Variants in PARD3B observed in about 807,000 individuals in gnomAD.
The protein encoded by PARD3B is partitioning defective 3 homolog B.
In PARD3B, 103 loss-of-function variants were observed where a neutral mutation model predicts 130.2. That is an observed-to-expected ratio of 0.79 (90% confidence interval 0.67 to 0.93). The LOEUF (loss-of-function observed/expected upper bound fraction) is 0.93. Ranked by LOEUF, PARD3B falls within the 40% of genes least tolerant of loss-of-function variation. The pLI, the probability that PARD3B is intolerant of heterozygous loss-of-function variation, is 0.00. For missense variants in PARD3B, 1,609 were observed against 1,499.2 expected (o/e 1.07, Z -1.21); for synonymous variants, 583 against 553.2 (o/e 1.05, Z -0.76).
Position 205,241,133 on chromosome 2 carries a change from GA to G in PARD3B, c.2141-4643del, listed in dbSNP as rs2039334315. Among the ~76,000 whole-genome samples the G allele has an allele frequency of 6.6e-6, 1 of 152,160 alleles. No homozygotes were observed. Among genetic ancestry groups the G allele is most frequent in the Non-Finnish European group, 1.5e-5 (1 of 68,014 alleles). ...TAGCTTCAAAGGCTTACAACCATGA[GA>G]ATTAGAAACATAGGCCATCAGGCTG... On this transcript the variant is annotated intron_variant, in intron 15 of 22. Transcript: ENST00000406610. This position sits in a 1 kb window ranked among gnomAD's most constrained non-coding sequence, Gnocchi z 4.2.
chr2:204,713,673 A>G (rs2038574452), intron 2 of PARD3B, among the ~76,000 whole-genome samples: 1 of 152,062 alleles, frequency 6.6e-6, no homozygotes, highest in African/African-American at 2.4e-5. Flanking sequence ...ACCTTTGTGG[A>G]TCTGGCTTAT....
In PARD3B at chr2:205,496,748, AT is replaced by A. The variant is rs111891900; in HGVS notation, c.3045-3138del. 2.2e-3 allele frequency among the ~76,000 whole-genome samples: 336 copies of A among 149,726 alleles called. 1 individual carries two copies. Among genetic ancestry groups the A allele is most frequent in the Middle Eastern group, 0.01 (3 of 288 alleles). ...AAGAATAGTTTACAGTCTCAGTACAATTTTTTTTTTCCACCACAAATGGAAG... is the reference window on the plus strand; with the variant it reads ...AAGAATAGTTTACAGTCTCAGTACAATTTTTTTTTCCACCACAAATGGAAG... On this transcript the variant is annotated intron_variant, in intron 20 of 22. Coordinates refer to ENST00000406610, the MANE Select transcript of PARD3B (RefSeq NM_001302769.2).
chr2:205,133,187 A>G (rs901026123), intron 10 of PARD3B, among the ~76,000 whole-genome samples: 4 of 152,248 alleles, frequency 2.6e-5, no homozygotes, highest in African/African-American at 9.6e-5. Flanking sequence ...TTAAGTTACC[A>G]TGATGACATT....
intron 16 of PARD3B, among the ~76,000 whole-genome samples, chr2:205,252,704 T>G (rs1010007327): frequency 5.9e-5 from 9 of 152,068 alleles, no homozygotes; most frequent in African/African-American, 1.9e-4. Flanking sequence ...AGGCAGAGAT[T>G]AGACCATACA....
At position 204,960,559 on chromosome 2, in the gene PARD3B, T is replaced by A. The variant is rs188341732; in HGVS notation, c.223-4593T>A. Among the ~76,000 whole-genome samples, 1,016 of 152,202 alleles carry A rather than the reference T, an allele frequency of 6.7e-3. 4 individuals are homozygous for A. Among genetic ancestry groups the A allele is most frequent in the Non-Finnish European group, 0.011 (729 of 68,012 alleles). On this transcript the variant is annotated intron_variant, in intron 2 of 22. Transcript: ENST00000406610. ...ATTTATACACATTCATTTAATTTTT[T>A]AAAAAAATATTTGAATGTTTATTCT... is the stretch of plus-strand genomic sequence containing the variant.
At chr2:205,003,358 C>CT (rs914827784) in intron 3 of PARD3B, among the ~76,000 whole-genome samples, 1 of 152,038 alleles carries the variant, frequency 6.6e-6, no homozygotes, top group Non-Finnish European at 1.5e-5. Flanking sequence ...AGGAGATGGA[C>CT]TTTTTTGGGG....
Position 205,233,692 on chromosome 2 carries a change from C to T in PARD3B, c.2141-12086C>T, listed in dbSNP as rs190989113. 4.5e-3 allele frequency among the ~76,000 whole-genome samples: 686 copies of T among 152,066 alleles called. 13 individuals carry two copies. The highest frequency in any genetic ancestry group is 5.3e-3 in the Non-Finnish European group (360 of 67,972). On this transcript the variant is annotated intron_variant, in intron 15 of 22. Coordinates refer to ENST00000406610, the MANE Select transcript of PARD3B (RefSeq NM_001302769.2). ...GTATAAGTAAAAAATGTGTTGCTAC[C>T]AAACATCATAGTTTAGCCTAGCCTG...
intron 2 of PARD3B, among the ~76,000 whole-genome samples, chr2:204,918,312 A>C (rs1049980237): frequency 2.6e-5 from 4 of 152,210 alleles, no homozygotes; most frequent in African/African-American, 9.6e-5. Context: ...TCTTTGCTAG[A>C]CTTGCTTTGA....
chr2:205,107,941 T>A (rs1703343009), intron 5 of PARD3B, among the ~76,000 whole-genome samples: 1 of 152,178 alleles, frequency 6.6e-6, no homozygotes, highest in South Asian at 2.1e-4. Flanking sequence ...AATTCCTATC[T>A]CATTTCTGAC....
chr2:204,774,463 G>T (rs1057180172), intron 2 of PARD3B, among the ~76,000 whole-genome samples: 3 of 152,082 alleles, frequency 2.0e-5, no homozygotes, highest in Non-Finnish European at 4.4e-5. Context: ...ATAGTGTGGG[G>T]AGGCAGTTTG....
chr2:205,089,816 GT>G (rs764718895), intron 4 of PARD3B, among the ~76,000 whole-genome samples: 2 of 152,104 alleles, frequency 1.3e-5, no homozygotes, highest in East Asian at 1.9e-4. Context: ...TGAAAACCAG[GT>G]TTTTTTCTTT....
chr2:205,417,989 T>C (rs71427783), intron 19 of PARD3B, among the ~76,000 whole-genome samples: 1 of 152,236 alleles, frequency 6.6e-6, no homozygotes, highest in East Asian at 1.9e-4. Context: ...TATTCTCTTG[T>C]GTCTTTTTTT....
At chr2:204,745,425 C>A (rs1381232709) in intron 2 of PARD3B, among the ~76,000 whole-genome samples, 1 of 146,274 alleles carries the variant, frequency 6.8e-6, no homozygotes, top group African/African-American at 2.5e-5. Context: ...TTTTTTGTTA[C>A]GGAGTTTTGC....
intron 15 of PARD3B, among the ~76,000 whole-genome samples, chr2:205,223,834 A>C (rs1325014170): frequency 6.6e-6 from 1 of 152,164 alleles, no homozygotes; most frequent in African/African-American, 2.4e-5. Context: ...GGTACATGAG[A>C]TGTTTTGATA....
chr2:204,716,899 G>A (rs1032250502), intron 2 of PARD3B, among the ~76,000 whole-genome samples: 2 of 152,170 alleles, frequency 1.3e-5, no homozygotes, highest in Admixed American at 6.5e-5. Context: ...TGGGATTACA[G>A]GCGTGAGCCA....
At chr2:205,532,531 C>G (rs1424767527) in intron 21 of PARD3B, among the ~76,000 whole-genome samples, 1 of 152,178 alleles carries the variant, frequency 6.6e-6, no homozygotes, top group African/African-American at 2.4e-5. Flanking sequence ...AACACTGTTA[C>G]AAGCCACACC....
At position 205,176,387 on chromosome 2, in the gene PARD3B, A is replaced by G. The variant is rs1394118562; in HGVS notation, c.1792-58A>G. The G allele has an allele frequency of 6.0e-6, 9 of 1,492,582 alleles. No individual in the cohort carries two copies. Among genetic ancestry groups the G allele is most frequent in the Non-Finnish European group, 8.1e-6 (9 of 1,104,388 alleles). The allele number at this position is 1,492,582 out of a possible 1,614,324, so 92.5% of individuals were successfully genotyped here. ...GCGATCATTCTTTCACTTTGCTTCA[A>G]CTGACCAAGTTGGAACATATTAAAA... On this transcript the variant is annotated intron_variant, in intron 12 of 22. Coordinates refer to ENST00000406610, the MANE Select transcript of PARD3B (RefSeq NM_001302769.2). This position sits in a 1 kb window ranked among gnomAD's most constrained non-coding sequence, Gnocchi z 5.3.
Position 205,525,278 on chromosome 2 carries a change from G to T in PARD3B, c.3180+25247G>T, listed in dbSNP as rs1046513153. On this transcript the variant is annotated intron_variant, in intron 21 of 22. Coordinates refer to ENST00000406610, the MANE Select transcript of PARD3B (RefSeq NM_001302769.2). This position sits in a 1 kb window ranked among gnomAD's most constrained non-coding sequence, Gnocchi z 4.2. Reference sequence around the variant, plus strand: ...CAAATTGGTTTCCTTACCACTCCAAGAGTGGGGTCTCTGGAAAATATAGTA... The same window carrying T: ...CAAATTGGTTTCCTTACCACTCCAATAGTGGGGTCTCTGGAAAATATAGTA... Among the ~76,000 whole-genome samples the T allele has an allele frequency of 9.9e-5, 15 of 152,126 alleles. No homozygotes were observed. Among genetic ancestry groups the T allele is most frequent in the African/African-American group, 3.4e-4 (14 of 41,436 alleles).
At chr2:204,983,698 T>C (rs1191274385) in intron 3 of PARD3B, among the ~76,000 whole-genome samples, 1 of 152,210 alleles carries the variant, frequency 6.6e-6, no homozygotes, top group African/African-American at 2.4e-5. Flanking sequence ...ATGTGAAAGA[T>C]GCCCTCCATA....
Sources: allele counts gnomAD v4.1 joint callset (sites outside exome capture counted in the v4.1 genomes callset), GRCh38; gene constraint gnomAD v4.1.1; non-coding constraint Gnocchi (gnomAD v3.1); transcripts MANE v1.5; gene names NCBI Gene and HGNC (gene_info 2026-07-23, HGNC 2026-07-21).